DENND4C: variants seen among roughly 807,000 people sequenced by gnomAD.
The protein encoded by DENND4C is DENN domain containing 4C, also known as DENN domain-containing protein 4C.
A neutral mutation model predicts 203.0 loss-of-function variants in DENND4C; 108 were observed. The ratio of observed to expected loss-of-function variants is 0.53; its 90% CI spans 0.46 to 0.62. The LOEUF (loss-of-function observed/expected upper bound fraction) is 0.62, where lower values mean the gene tolerates loss of function less well. Ranked by LOEUF, DENND4C falls within the 20% of genes least tolerant of loss-of-function variation. DENND4C has a pLI of 0.00. For missense variants in DENND4C, 2,481 were observed against 2,301.2 expected (o/e 1.08, Z -1.60); for synonymous variants, 871 against 792.4 (o/e 1.10, Z -1.67).
chr9:19,348,048 A>G (rs941943771), intron 23 of DENND4C, among the ~76,000 whole-genome samples: 1 of 152,250 alleles, frequency 6.6e-6, no homozygotes, highest in African/African-American at 2.4e-5. Context: ...GATAAGGCAG[A>G]TATGTATAAT....
intron 30 of DENND4C, among the ~76,000 whole-genome samples, chr9:19,363,970 C>T (rs930971164): frequency 2.6e-5 from 4 of 151,796 alleles, no homozygotes; most frequent in African/African-American, 9.7e-5. Context: ...GCCGAGATTG[C>T]GCCGTTGCAC....
chr9:19,272,772 TTATTTTG>T lies in DENND4C; in HGVS notation c.-17-3384_-17-3378del, dbSNP rs372725271. Among the ~76,000 whole-genome samples, 504 of 151,812 alleles carry T rather than the reference TTATTTTG, an allele frequency of 3.3e-3. 2 individuals carry two copies. The highest frequency in any genetic ancestry group is 0.012 in the African/African-American group (481 of 41,206). ...TAGACATGTTTTTTTATTTTTATTTTTATTTTGTTTTTTGAGATGGAGTCTTGCTCTC... is the reference window on the plus strand; with the variant it reads ...TAGACATGTTTTTTTATTTTTATTTTTTTTTTGAGATGGAGTCTTGCTCTC... On this transcript the variant is annotated intron_variant, in intron 1 of 32. Coordinates refer to ENST00000434457, the MANE Select transcript of DENND4C (RefSeq NM_001330640.2).
intron 20 of DENND4C, among the ~76,000 whole-genome samples, chr9:19,339,439 C>T (rs1013092629): frequency 1.3e-5 from 2 of 152,016 alleles, no homozygotes; most frequent in African/African-American, 4.8e-5. Flanking sequence ...TGGAATGTTT[C>T]TTAACTTAGG....
intron 1 of DENND4C, among the ~76,000 whole-genome samples, chr9:19,236,131 T>C (rs1027555207): frequency 2.0e-5 from 3 of 152,132 alleles, no homozygotes; most frequent in Non-Finnish European, 2.9e-5. Flanking sequence ...ATAAATCTTT[T>C]TTTAAATTAT....
At chr9:19,240,292 T>C (rs1823350720) in intron 1 of DENND4C, among the ~76,000 whole-genome samples, 1 of 152,202 alleles carries the variant, frequency 6.6e-6, no homozygotes, top group Admixed American at 6.5e-5. Flanking sequence ...CATATTACTG[T>C]ACTGATACTC....
Position 19,351,805 on chromosome 9 carries a change from T to TA in DENND4C, c.4496-254dup, listed in dbSNP as rs1343290615. On this transcript the variant is annotated intron_variant, in intron 24 of 32. Transcript: ENST00000434457. ...CTGGGCAACAGAGCGAGACTCCATC[T>TA]AAAAAAAAAAAAAAGAAAAGAAAAA... 6.0e-3 allele frequency among the ~76,000 whole-genome samples: 766 copies of TA among 127,600 alleles called. 6 individuals carry two copies. Among genetic ancestry groups the TA allele is most frequent in the Middle Eastern group, 0.031 (8 of 256 alleles). 83.7% of individuals were successfully genotyped at this position (127,600 alleles called of 152,430 possible).
intron 1 of DENND4C, among the ~76,000 whole-genome samples, chr9:19,232,238 C>G (rs956465182): frequency 1.3e-5 from 2 of 152,026 alleles, no homozygotes; most frequent in African/African-American, 4.8e-5. Context: ...CATGATCTGC[C>G]TGTCATATAG....
chr9:19,307,334 G>T (rs1053912173), intron 10 of DENND4C, among the ~76,000 whole-genome samples: 1 of 147,650 alleles, frequency 6.8e-6, no homozygotes, highest in African/African-American at 2.5e-5. Flanking sequence ...GGTCGAGGCT[G>T]CAGTGACCCA....
intron 1 of DENND4C, among the ~76,000 whole-genome samples, chr9:19,264,199 T>C (rs1830013014): frequency 6.6e-6 from 1 of 152,216 alleles, no homozygotes; most frequent in East Asian, 1.9e-4. Context: ...TTTTCAGGTT[T>C]TGGATGTCAG....
At chr9:19,327,785 G>C (rs1818134400) in intron 15 of DENND4C, among the ~76,000 whole-genome samples, 1 of 152,028 alleles carries the variant, frequency 6.6e-6, no homozygotes, top group Non-Finnish European at 1.5e-5. Context: ...TAAGATATCA[G>C]AGTTTTCTGT....
Position 19,332,249 on chromosome 9 carries a change from G to T in DENND4C, c.2460+65G>T, listed in dbSNP as rs941131314. 12 of 1,476,314 alleles carry T rather than the reference G, an allele frequency of 8.1e-6. No individual in the cohort carries two copies. In the Admixed American group the frequency reaches 1.6e-4, roughly 19 times the overall value. 91.5% of individuals were successfully genotyped at this position (1,476,314 alleles called of 1,614,324 possible). ...TATTTTTGTACTTCTAATAAAATTT[G>T]GGTGTAAGTTGCTTTAAAGTGTGCT... On this transcript the variant is annotated intron_variant, in intron 17 of 32. Transcript: ENST00000434457.
At chr9:19,336,179 A>ATG in intron 18 of DENND4C, 91 bp from the exon 19 acceptor site, 1 of 1,131,998 alleles carries the variant, frequency 8.8e-7, no homozygotes, top group Non-Finnish European at 1.2e-6. Flanking sequence ...GTGTATATAT[A>ATG]TATATAAACA....
chr9:19,363,704 T>A (rs1458845263), intron 30 of DENND4C, among the ~76,000 whole-genome samples: 1 of 151,848 alleles, frequency 6.6e-6, no homozygotes, highest in Non-Finnish European at 1.5e-5. Flanking sequence ...AAATATAACT[T>A]TATATTTTAA....
At chr9:19,354,525 CTCT>C (rs1297901467) in intron 26 of DENND4C, among the ~76,000 whole-genome samples, 2 of 145,076 alleles carry the variant, frequency 1.4e-5, no homozygotes, top group Admixed American at 6.9e-5. Flanking sequence ...ATTTGAGTGT[CTCT>C]TCATTACTTG....
chr9:19,365,590 G>A (rs138341077), intron 30 of DENND4C, among the ~76,000 whole-genome samples: 31 of 151,302 alleles, frequency 2.0e-4, no homozygotes, highest in African/African-American at 5.3e-4. Flanking sequence ...AAAAGTAAGT[G>A]TATCTATATT....
At chr9:19,306,906 G>A (rs1032280192) in intron 10 of DENND4C, among the ~76,000 whole-genome samples, 14 of 151,796 alleles carry the variant, frequency 9.2e-5, no homozygotes, top group African/African-American at 2.7e-4. Flanking sequence ...TCAGCCTTCC[G>A]AGTAGCGGGA....
chr9:19,355,449 A>G (rs1187836199), intron 26 of DENND4C, among the ~76,000 whole-genome samples: 4 of 152,018 alleles, frequency 2.6e-5, no homozygotes, highest in African/African-American at 9.7e-5. Flanking sequence ...ATATATCTTT[A>G]TTCTACTTTT....
intron 26 of DENND4C, among the ~76,000 whole-genome samples, chr9:19,353,336 A>G (rs2132098249): frequency 6.6e-6 from 1 of 152,280 alleles, no homozygotes; most frequent in East Asian, 1.9e-4. Flanking sequence ...GCTGCTTTAA[A>G]AAAAATACAC....
intron 1 of DENND4C, among the ~76,000 whole-genome samples, chr9:19,257,134 A>G (rs1225656446): frequency 6.6e-6 from 1 of 151,900 alleles, no homozygotes; most frequent in African/African-American, 2.4e-5. Flanking sequence ...GAAGAAAAGG[A>G]AAAAAAGGAA....
Sources: allele counts gnomAD v4.1 joint callset (sites outside exome capture counted in the v4.1 genomes callset), GRCh38; gene constraint gnomAD v4.1.1; transcripts MANE v1.5; gene names NCBI Gene and HGNC (gene_info 2026-07-23, HGNC 2026-07-21).